Variants in SEMA3A observed in about 807,000 individuals in gnomAD.
SEMA3A encodes the protein semaphorin 3A.
Under a neutral mutation model 97.9 loss-of-function variants are expected in SEMA3A, and 29 were observed. The ratio of observed to expected loss-of-function variants is 0.30; its 90% CI spans 0.22 to 0.40. The LOEUF (loss-of-function observed/expected upper bound fraction) is 0.40, where lower values mean the gene tolerates loss of function less well. Among genes scored for constraint, SEMA3A ranks in the 10% least tolerant of loss-of-function variants. The pLI is 1.00. For missense variants in SEMA3A, 763 were observed against 951.3 expected (o/e 0.80, Z 2.60); for synonymous variants, 321 against 323.7 (o/e 0.99, Z 0.09).
chr7:84,018,679 A>C (rs1203746112), intron 6 of SEMA3A, among the ~76,000 whole-genome samples: 1 of 152,212 alleles, frequency 6.6e-6, no homozygotes, highest in Non-Finnish European at 1.5e-5. Context: ...CATTTGCAAA[A>C]TCACAGGAAC....
chr7:84,395,785 C>A (rs1803716308), intron 1 of SEMA3A, among the ~76,000 whole-genome samples: 2 of 152,104 alleles, frequency 1.3e-5, no homozygotes, highest in African/African-American at 2.4e-5. Context: ...TTTCCTGAGG[C>A]CTTCTCAGCC....
intron 1 of SEMA3A, among the ~76,000 whole-genome samples, chr7:84,406,049 A>G (rs1236630398): frequency 3.9e-5 from 6 of 152,200 alleles, no homozygotes; most frequent in Non-Finnish European, 5.9e-5. Flanking sequence ...AACTAAGATC[A>G]GAGCAAAACT....
At chr7:84,253,762 A>T (rs1408740449) in intron 3 of SEMA3A, among the ~76,000 whole-genome samples, 5 of 152,130 alleles carry the variant, frequency 3.3e-5, no homozygotes, top group African/African-American at 1.2e-4. Context: ...GGAGAATTGC[A>T]GAGAGGAAGT....
intron 1 of SEMA3A, among the ~76,000 whole-genome samples, chr7:84,467,459 T>C (rs1806030890): frequency 6.7e-6 from 1 of 148,608 alleles, no homozygotes; most frequent in Admixed American, 6.9e-5. Context: ...GAGATGGAGA[T>C]TGCAGACAGC....
intron 6 of SEMA3A, among the ~76,000 whole-genome samples, chr7:84,019,374 T>C (rs2116434893): frequency 6.8e-6 from 1 of 146,496 alleles, no homozygotes; most frequent in South Asian, 2.2e-4. Flanking sequence ...ATTAGGAGTG[T>C]ACAGAGTAAA....
At chr7:84,051,930 A>T (rs1233026656) in intron 5 of SEMA3A, among the ~76,000 whole-genome samples, 4 of 150,144 alleles carry the variant, frequency 2.7e-5, no homozygotes, top group African/African-American at 9.7e-5. Flanking sequence ...AGGGTTGTTG[A>T]ATTTTGTCAA....
intron 1 of SEMA3A, chr7:84,372,104 G>A (rs2116105068): frequency 1.3e-5 from 2 of 152,120 alleles, no homozygotes; most frequent in East Asian, 1.9e-4. Context: ...GGCACTCAGA[G>A]CACTATTATC....
At chr7:84,015,511 C>G (rs557643052) in intron 6 of SEMA3A, among the ~76,000 whole-genome samples, 1 of 152,076 alleles carries the variant, frequency 6.6e-6, no homozygotes, top group Non-Finnish European at 1.5e-5. Flanking sequence ...CTATGTGCAA[C>G]GAAGCTAAGT....
intron 15 of SEMA3A, among the ~76,000 whole-genome samples, chr7:83,969,441 G>T (rs1434867873): frequency 6.6e-6 from 1 of 151,990 alleles, no homozygotes; most frequent in Admixed American, 6.6e-5. Flanking sequence ...TATTCCCCTG[G>T]CCCACCACAC....
At chr7:84,007,733 T>A (rs1474296733) in intron 9 of SEMA3A, among the ~76,000 whole-genome samples, 1 of 152,188 alleles carries the variant, frequency 6.6e-6, no homozygotes, top group Admixed American at 6.5e-5. Context: ...TCAGTACTCA[T>A]GGAATATACG....
chr7:84,298,752 T>C (rs1450686678), intron 3 of SEMA3A, among the ~76,000 whole-genome samples: 1 of 152,166 alleles, frequency 6.6e-6, no homozygotes, highest in East Asian at 1.9e-4. Context: ...GCTTAAAGAA[T>C]GCAAAGTATT....
At chr7:84,279,900 G>A (rs546941626) in intron 3 of SEMA3A, among the ~76,000 whole-genome samples, 21 of 151,864 alleles carry the variant, frequency 1.4e-4, no homozygotes, top group Admixed American at 2.6e-4. Context: ...TTATTTTTAC[G>A]TATTTATTTA....
chr7:83,988,994 G>C (rs539742148), intron 12 of SEMA3A, among the ~76,000 whole-genome samples: 61 of 151,262 alleles, frequency 4.0e-4, no homozygotes, highest in African/African-American at 1.4e-3. Flanking sequence ...ACTGTATTTA[G>C]GTTTGTACAA....
intron 3 of SEMA3A, among the ~76,000 whole-genome samples, chr7:84,221,126 C>T (rs928119544): frequency 3.3e-5 from 5 of 152,106 alleles, no homozygotes; most frequent in African/African-American, 1.2e-4. Flanking sequence ...CCTGCTTCAC[C>T]TTGCACTTTT....
chr7:84,266,681 C>T (rs1370676006), intron 3 of SEMA3A, among the ~76,000 whole-genome samples: 2 of 152,036 alleles, frequency 1.3e-5, no homozygotes, highest in African/African-American at 4.8e-5. Flanking sequence ...AAGGAAATCG[C>T]TTTAGCTGGG....
intron 2 of SEMA3A, among the ~76,000 whole-genome samples, chr7:84,317,876 T>C (rs890717214): frequency 6.6e-6 from 1 of 152,166 alleles, no homozygotes; most frequent in Non-Finnish European, 1.5e-5. Flanking sequence ...GAAAAAAATA[T>C]GATTTAAGGT....
chr7:84,384,731 C>T (rs1485965833), intron 1 of SEMA3A, among the ~76,000 whole-genome samples: 1 of 152,110 alleles, frequency 6.6e-6, no homozygotes, highest in Non-Finnish European at 1.5e-5. Context: ...ACTTTCCTCC[C>T]TTGAAATTTA....
chr7:84,283,012 T>C (rs1800484957), intron 3 of SEMA3A, among the ~76,000 whole-genome samples: 1 of 148,812 alleles, frequency 6.7e-6, no homozygotes, highest in East Asian at 2.0e-4. Flanking sequence ...AGACTCCATC[T>C]AAAAAAAAAG....
chr7:84,427,837 T>TA (rs942324812), intron 1 of SEMA3A, among the ~76,000 whole-genome samples: 6 of 151,922 alleles, frequency 3.9e-5, no homozygotes, highest in Non-Finnish European at 5.9e-5. Context: ...TGATAGCAAG[T>TA]ACATAAAAAA....
Sources: allele counts gnomAD v4.1 joint callset (sites outside exome capture counted in the v4.1 genomes callset), GRCh38; gene constraint gnomAD v4.1.1; transcripts MANE v1.5; gene names NCBI Gene and HGNC (gene_info 2026-07-23, HGNC 2026-07-21).